The following WWP2 variants were observed in gnomAD, a reference collection of about 807,000 sequenced individuals.
WWP2 encodes the protein WW domain containing E3 ubiquitin protein ligase 2.
WWP2 carries 57 observed loss-of-function variants against 121.0 expected under a neutral mutation model. The observed-to-expected ratio is 0.47, with a 90% CI of 0.38 to 0.59. The LOEUF (loss-of-function observed/expected upper bound fraction) is 0.59. Among genes scored for constraint, WWP2 ranks in the 20% least tolerant of loss-of-function variants. WWP2 has a pLI of 0.00. For synonymous variants in WWP2, 449 were observed against 441.3 expected, an observed-to-expected ratio of 1.02 and a Z score of -0.22; for missense variants, 962 against 1,158.9, an observed-to-expected ratio of 0.83 and a Z score of 2.47.
chr16:69,852,995 G>T (rs2057246655), intron 6 of WWP2, among the ~76,000 whole-genome samples: 1 of 152,312 alleles, frequency 6.6e-6, no homozygotes, highest in Middle Eastern at 3.4e-3. Context: ...TGGTTTGAAG[G>T]CAAGAGCAGT....
At chr16:69,867,692 A>G (rs971239826) in intron 6 of WWP2, among the ~76,000 whole-genome samples, 1 of 152,186 alleles carries the variant, frequency 6.6e-6, no homozygotes, top group Non-Finnish European at 1.5e-5. Flanking sequence ...GAGTGAGGAC[A>G]CACCGCATCC....
chr16:69,913,586 T>C (rs2058433652), intron 9 of WWP2, among the ~76,000 whole-genome samples: 1 of 151,798 alleles, frequency 6.6e-6, no homozygotes, highest in Admixed American at 6.6e-5. Flanking sequence ...GTGAAAACAA[T>C]ATAGGAAGCT....
intron 6 of WWP2, among the ~76,000 whole-genome samples, chr16:69,865,705 C>T (rs893059141): frequency 5.3e-5 from 8 of 152,304 alleles, no homozygotes; most frequent in African/African-American, 1.7e-4. Flanking sequence ...TAAACTAACA[C>T]GTTTGTTACA....
chr16:69,820,848 A>G (rs1339721819), intron 4 of WWP2, among the ~76,000 whole-genome samples: 1 of 152,104 alleles, frequency 6.6e-6, no homozygotes, highest in African/African-American at 2.4e-5. Context: ...ACACACACAC[A>G]CACACACACG....
chr16:69,809,528 A>T (rs2056347323), intron 4 of WWP2, among the ~76,000 whole-genome samples: 1 of 152,146 alleles, frequency 6.6e-6, no homozygotes, highest in Non-Finnish European at 1.5e-5. Context: ...GCACTTTGGG[A>T]GGCCAAGGTG....
At chr16:69,827,409 C>G (rs979022794) in intron 4 of WWP2, among the ~76,000 whole-genome samples, 1 of 152,040 alleles carries the variant, frequency 6.6e-6, no homozygotes, top group Non-Finnish European at 1.5e-5. Flanking sequence ...AAAAACTTAA[C>G]TTTGTGGTAT....
chr16:69,886,649 A>G (rs2057930716), intron 7 of WWP2, among the ~76,000 whole-genome samples: 1 of 152,176 alleles, frequency 6.6e-6, no homozygotes, highest in Non-Finnish European at 1.5e-5. Context: ...AATCCTAGCT[A>G]CTTGGGAGAC....
intron 4 of WWP2, among the ~76,000 whole-genome samples, chr16:69,807,252 C>A (rs1450456557): frequency 6.6e-6 from 1 of 152,066 alleles, no homozygotes; most frequent in Non-Finnish European, 1.5e-5. Context: ...CTGGGCTAAT[C>A]TTGAACTCCT....
chr16:69,839,552 G>A (rs2056937689), intron 4 of WWP2, among the ~76,000 whole-genome samples: 1 of 152,086 alleles, frequency 6.6e-6, no homozygotes, highest in Non-Finnish European at 1.5e-5. Flanking sequence ...CTCTCCTTAA[G>A]TCACTGATGG....
At chr16:69,776,348 C>G (rs1290354024) in intron 1 of WWP2, 1 of 152,148 alleles carries the variant, frequency 6.6e-6, no homozygotes, top group Non-Finnish European at 1.5e-5. Flanking sequence ...GGGAATCTTT[C>G]TTGACTCTTT....
intron 16 of WWP2, among the ~76,000 whole-genome samples, chr16:69,932,888 G>T (rs190066157): frequency 6.6e-6 from 1 of 152,216 alleles, no homozygotes; most frequent in Non-Finnish European, 1.5e-5. Flanking sequence ...GGCCCGCAGC[G>T]ACCTCTCCGC....
chr16:69,809,770 A>G (rs1303735441), intron 4 of WWP2, among the ~76,000 whole-genome samples: 1 of 151,498 alleles, frequency 6.6e-6, no homozygotes. Context: ...CTCCGTCAGA[A>G]AGAGAAAGAG....
rs190081028 is a variant in WWP2 at position 69,802,980 on chromosome 16, A to G, written c.340+3685A>G. Reference sequence around the variant, plus strand: ...GAAATCCAAAACACTTCCAGTCCCAAGCATTTCAAATAAATACTTATGAGA... The same window carrying G: ...GAAATCCAAAACACTTCCAGTCCCAGGCATTTCAAATAAATACTTATGAGA... On this transcript the variant is annotated intron_variant, in intron 4 of 23. Transcript: ENST00000359154. Among the ~76,000 whole-genome samples, 11 of 152,286 alleles carry G rather than the reference A, an allele frequency of 7.2e-5. No homozygotes were observed. The East Asian group carries it at 2.1e-3, about 29-fold the overall frequency.
At chr16:69,824,083 A>G (rs1049094693) in intron 4 of WWP2, among the ~76,000 whole-genome samples, 3 of 152,218 alleles carry the variant, frequency 2.0e-5, no homozygotes, top group African/African-American at 7.2e-5. Flanking sequence ...GAAACACTTC[A>G]TCTGGTGTTT....
At chr16:69,781,132 A>T (rs900317303) in intron 1 of WWP2, among the ~76,000 whole-genome samples, 1 of 152,068 alleles carries the variant, frequency 6.6e-6, no homozygotes, top group Non-Finnish European at 1.5e-5. Context: ...GCTTTAAAAA[A>T]GGAAAAAAAA....
At position 69,830,087 on chromosome 16, in the gene WWP2, T is replaced by A. The variant is rs1255942936; in HGVS notation, c.341-10039T>A. Among the ~76,000 whole-genome samples the A allele has an allele frequency of 2.0e-5, 3 of 152,056 alleles. No homozygotes were observed. In the East Asian group the frequency reaches 5.8e-4, roughly 29 times the overall value. ...CTCCTGCCTCAGCCACCCAAGTAGC[T>A]GGGATTACAGGCACATGCCACCATG... On this transcript the variant is annotated intron_variant, in intron 4 of 23. Transcript: ENST00000359154.
rs2056919727 is a variant in WWP2 at position 69,838,584 on chromosome 16, G to A, written c.341-1542G>A. Among the ~76,000 whole-genome samples the A allele has an allele frequency of 2.6e-5, 4 of 152,182 alleles. No homozygotes were observed. The South Asian group carries it at 6.2e-4, about 24-fold the overall frequency. On this transcript the variant is annotated intron_variant, in intron 4 of 23. Coordinates refer to ENST00000359154, the MANE Select transcript of WWP2 (RefSeq NM_001270454.2). Reference sequence around the variant, plus strand: ...CTGCATTCAGGATGTGGACTAAGCTGTAGGGTTAGGCTCTGCTGGGGCTGG... The same window carrying A: ...CTGCATTCAGGATGTGGACTAAGCTATAGGGTTAGGCTCTGCTGGGGCTGG...
chr16:69,776,938 A>G (rs1021130212), intron 1 of WWP2, among the ~76,000 whole-genome samples: 8 of 152,126 alleles, frequency 5.3e-5, no homozygotes, highest in African/African-American at 1.9e-4. Context: ...TGTTTAATCT[A>G]AAACCCTACC....
intron 16 of WWP2, among the ~76,000 whole-genome samples, chr16:69,933,620 G>T (rs34119313): frequency 0.067 from 10,150 of 152,198 alleles, 1,085 homozygotes; most frequent in African/African-American, 0.23. Flanking sequence ...GCACAGCCTA[G>T]GCAACTGAGC....
Sources: gnomAD v4.1 joint callset for allele counts (sites outside exome capture counted in the v4.1 genomes callset) on GRCh38, gnomAD v4.1.1 for gene constraint, MANE v1.5 for transcripts, NCBI Gene and HGNC (gene_info 2026-07-23, HGNC 2026-07-21) for gene names.